CTNND2: variants seen among roughly 807,000 people sequenced by gnomAD.
The protein encoded by CTNND2 is catenin delta 2, also known as catenin delta-2.
In CTNND2, 22 loss-of-function variants were observed where a neutral mutation model predicts 144.4. That is an observed-to-expected ratio of 0.15 (90% confidence interval 0.11 to 0.22). The LOEUF (loss-of-function observed/expected upper bound fraction) is 0.22. CTNND2 is among the 10% of genes least tolerant of loss of function. The pLI is 1.00. For missense variants in CTNND2, 1,353 were observed against 1,618.8 expected, an observed-to-expected ratio of 0.84 and a Z score of 2.82; for synonymous variants, 751 against 695.6, an observed-to-expected ratio of 1.08 and a Z score of -1.25.
chr5:11,542,821 G>C (rs924188251), intron 3 of CTNND2, among the ~76,000 whole-genome samples: 1 of 152,082 alleles, frequency 6.6e-6, no homozygotes, highest in Non-Finnish European at 1.5e-5. Context: ...CTTTACGTGG[G>C]TCCCCCAAAA....
At chr5:11,081,202 A>G (rs1276147467) in intron 16 of CTNND2, among the ~76,000 whole-genome samples, 1 of 147,048 alleles carries the variant, frequency 6.8e-6, no homozygotes, top group Admixed American at 6.8e-5. Context: ...TGTTGGTGGA[A>G]GGGTGCAAAG....
intron 2 of CTNND2, among the ~76,000 whole-genome samples, chr5:11,670,534 G>C (rs1001967100): frequency 6.6e-6 from 1 of 152,086 alleles, no homozygotes; most frequent in East Asian, 1.9e-4. Flanking sequence ...GATCTTTGTG[G>C]TTTAAAGTCT....
At chr5:11,378,425 A>G (rs1758146974) in intron 7 of CTNND2, among the ~76,000 whole-genome samples, 2 of 152,356 alleles carry the variant, frequency 1.3e-5, no homozygotes, top group South Asian at 4.1e-4. Flanking sequence ...GTTGAGAGCA[A>G]GTCAGCCTTA....
chr5:11,203,582 C>T (rs27886), intron 10 of CTNND2, among the ~76,000 whole-genome samples: 4,599 of 152,096 alleles, frequency 0.03, 240 homozygotes, highest in African/African-American at 0.1. Context: ...GCCATGTTGC[C>T]CAGGCTGGTC....
chr5:11,874,906 C>T (rs563817884), intron 1 of CTNND2, among the ~76,000 whole-genome samples: 2 of 152,100 alleles, frequency 1.3e-5, no homozygotes, highest in South Asian at 4.2e-4. Context: ...AAAATATAAC[C>T]CAGACATCTT....
At chr5:11,625,128 C>T (rs906107984) in intron 2 of CTNND2, among the ~76,000 whole-genome samples, 6 of 152,034 alleles carry the variant, frequency 3.9e-5, no homozygotes, top group South Asian at 2.1e-4. Flanking sequence ...ATTTAAACAA[C>T]GACGTTACAT....
chr5:11,384,157 T>C lies in CTNND2; in HGVS notation c.1177+508A>G, dbSNP rs531119721. On this transcript the variant is annotated intron_variant, in intron 7 of 21. Coordinates refer to ENST00000304623, the MANE Select transcript of CTNND2 (RefSeq NM_001332.4). The surrounding 1 kb of genome is among the most constrained non-coding windows in gnomAD (Gnocchi z 5.2). ...ATAAATTCAAGCCAAAACAAAAGGG[T>C]AATAATTCAAGGCAATTCATTATTA... 3.2e-4 allele frequency among the ~76,000 whole-genome samples: 48 copies of C among 152,194 alleles called. No individual in the cohort carries two copies. The highest frequency in any genetic ancestry group is 5.9e-4 in the Non-Finnish European group (40 of 68,036).
intron 2 of CTNND2, among the ~76,000 whole-genome samples, chr5:11,693,473 G>A (rs1345211658): frequency 2.0e-5 from 3 of 152,190 alleles, no homozygotes; most frequent in East Asian, 3.9e-4. Context: ...TTTTTATTTT[G>A]TTTTGTTTTG....
chr5:11,233,643 AAC>A (rs1240477444), intron 10 of CTNND2, among the ~76,000 whole-genome samples: 2 of 152,128 alleles, frequency 1.3e-5, no homozygotes, highest in Non-Finnish European at 2.9e-5. Context: ...ACCAATTACT[AAC>A]AGTTTGATCT....
At chr5:11,725,429 G>A (rs761369192) in intron 2 of CTNND2, among the ~76,000 whole-genome samples, 2 of 152,186 alleles carry the variant, frequency 1.3e-5, no homozygotes, top group African/African-American at 4.8e-5. Flanking sequence ...TCAAATTAAT[G>A]TATAAATTTC....
chr5:11,613,047 T>C (rs1228677852), intron 2 of CTNND2, among the ~76,000 whole-genome samples: 1 of 152,212 alleles, frequency 6.6e-6, no homozygotes, highest in Non-Finnish European at 1.5e-5. Context: ...CTTGAGTGCA[T>C]ACTCTTGTGC....
intron 3 of CTNND2, among the ~76,000 whole-genome samples, chr5:11,420,423 G>A (rs545391717): frequency 6.6e-6 from 1 of 152,264 alleles, no homozygotes; most frequent in East Asian, 1.9e-4. Flanking sequence ...CCTTGTATTT[G>A]GACAGCAAAA....
intron 1 of CTNND2, among the ~76,000 whole-genome samples, chr5:11,745,988 A>G: frequency 6.6e-6 from 1 of 152,328 alleles, no homozygotes; most frequent in South Asian, 2.1e-4. Context: ...TTAAAATGCT[A>G]GTGTCACCCA....
rs75282792 is a variant in CTNND2 at position 11,229,151 on chromosome 5, A to G, written c.1761+7540T>C. On this transcript the variant is annotated intron_variant, in intron 10 of 21. Transcript: ENST00000304623. ...GCTGGTCACCGGACATTTCTATCAA[A>G]AAGAAAGGAGTACAAGTCAATCCTT... 3.0e-3 allele frequency among the ~76,000 whole-genome samples: 455 copies of G among 152,308 alleles called. 1 individual carries two copies. Among genetic ancestry groups the G allele is most frequent in the African/African-American group, 0.01 (423 of 41,562 alleles).
intron 10 of CTNND2, among the ~76,000 whole-genome samples, chr5:11,225,657 G>A (rs763399804): frequency 6.6e-6 from 1 of 152,078 alleles, no homozygotes; most frequent in Non-Finnish European, 1.5e-5. Flanking sequence ...ACTGGCCTAC[G>A]TGGTTTATGT....
At chr5:11,592,202 T>G (rs1779287715) in intron 2 of CTNND2, among the ~76,000 whole-genome samples, 2 of 150,280 alleles carry the variant, frequency 1.3e-5, no homozygotes, top group South Asian at 2.1e-4. Flanking sequence ...CTGCCTGCCT[T>G]CCTGCCTTTC....
chr5:11,603,954 C>G (rs1034057881), intron 2 of CTNND2, among the ~76,000 whole-genome samples: 4 of 152,178 alleles, frequency 2.6e-5, no homozygotes, highest in African/African-American at 9.7e-5. Context: ...CCTAGAGTTA[C>G]TTGCATATAG....
At chr5:11,023,818 A>T (rs1489946759) in intron 16 of CTNND2, among the ~76,000 whole-genome samples, 2 of 152,250 alleles carry the variant, frequency 1.3e-5, no homozygotes, top group African/African-American at 4.8e-5. Context: ...CTTTTAGTTT[A>T]CAAAGCACTT....
Position 10,973,324 on chromosome 5 carries a change from G to T in CTNND2, c.*129C>A. 1.0e-6 allele frequency: 1 copy of T among 970,454 alleles called. No individual in the cohort carries two copies. The highest frequency in any genetic ancestry group is 1.4e-6 in the Non-Finnish European group (1 of 690,846). 60.1% of individuals were successfully genotyped at this position (970,454 alleles called of 1,614,324 possible). A position where few individuals can be genotyped will look rare whatever the true frequency, so the allele number is the denominator to read the frequency against. On this transcript the variant is annotated 3_prime_UTR_variant, in exon 22 of 22. Coordinates refer to ENST00000304623, the MANE Select transcript of CTNND2 (RefSeq NM_001332.4). This position sits in a 1 kb window ranked among gnomAD's most constrained non-coding sequence, Gnocchi z 5.6. ...AATAGCTCTTAATATTTCCTTACTGGTTATCACAGCCTTCCTATGGAACAG... is the reference window on the plus strand; with the variant it reads ...AATAGCTCTTAATATTTCCTTACTGTTTATCACAGCCTTCCTATGGAACAG...
Sources: gnomAD v4.1 joint callset for allele counts (sites outside exome capture counted in the v4.1 genomes callset) on GRCh38, gnomAD v4.1.1 for gene constraint, Gnocchi (gnomAD v3.1) non-coding constraint, MANE v1.5 for transcripts, NCBI Gene and HGNC (gene_info 2026-07-23, HGNC 2026-07-21) for gene names.